Variants in SRGAP3 observed in about 807,000 individuals in gnomAD.
The protein encoded by SRGAP3 is SLIT-ROBO Rho GTPase activating protein 3, also known as SLIT-ROBO Rho GTPase-activating protein 3.
SRGAP3 carries 39 observed loss-of-function variants against 121.1 expected under a neutral mutation model. That is an observed-to-expected ratio of 0.32 (90% CI 0.25 to 0.42). SRGAP3 has a LOEUF of 0.42. SRGAP3 is among the 10% of genes least tolerant of loss of function. SRGAP3 has a pLI of 1.00. For synonymous variants in SRGAP3, 601 were observed against 570.0 expected (o/e 1.05, Z -0.77); for missense variants, 1,213 against 1,470.6 (o/e 0.82, Z 2.86).
At chr3:9,206,582 CT>C (rs920878511) in intron 1 of SRGAP3, among the ~76,000 whole-genome samples, 1 of 152,186 alleles carries the variant, frequency 6.6e-6, no homozygotes, top group Non-Finnish European at 1.5e-5. Flanking sequence ...CCACAGCAGC[CT>C]CCTGAATCTT....
chr3:9,030,304 G>A (rs1416931827), intron 12 of SRGAP3, among the ~76,000 whole-genome samples: 5 of 152,214 alleles, frequency 3.3e-5, no homozygotes, highest in African/African-American at 4.8e-5. Context: ...CACTGCTCAA[G>A]TGCTCTGGGC....
chr3:9,024,866 C>T (rs1430520072), intron 14 of SRGAP3, among the ~76,000 whole-genome samples: 2 of 152,114 alleles, frequency 1.3e-5, no homozygotes, highest in Non-Finnish European at 2.9e-5. Flanking sequence ...TACAAGGTGC[C>T]CTTTCCCAGC....
chr3:9,143,569 A>G (rs1307626299), intron 1 of SRGAP3, among the ~76,000 whole-genome samples: 3 of 152,230 alleles, frequency 2.0e-5, no homozygotes, highest in Non-Finnish European at 2.9e-5. Context: ...TAGAATATAT[A>G]AAAATATCAA....
chr3:9,164,403 C>T (rs1259049667), intron 1 of SRGAP3, among the ~76,000 whole-genome samples: 6 of 152,038 alleles, frequency 3.9e-5, no homozygotes, highest in African/African-American at 1.4e-4. Context: ...GATTCTTGTG[C>T]CTCAGCCTCC....
intron 21 of SRGAP3, among the ~76,000 whole-genome samples, chr3:8,986,711 T>A (rs1941725068): frequency 6.6e-6 from 1 of 151,042 alleles, no homozygotes; most frequent in East Asian, 1.9e-4. Flanking sequence ...GCTACTCTCT[T>A]CTCTGTATTA....
At chr3:9,224,977 G>A (rs750858011) in intron 1 of SRGAP3, among the ~76,000 whole-genome samples, 3 of 152,140 alleles carry the variant, frequency 2.0e-5, no homozygotes, top group Non-Finnish European at 2.9e-5. Flanking sequence ...AGGTCTACAG[G>A]CAGGCCTCAC....
At chr3:9,134,146 T>C (rs1192999212) in intron 1 of SRGAP3, among the ~76,000 whole-genome samples, 1 of 152,182 alleles carries the variant, frequency 6.6e-6, no homozygotes, top group Non-Finnish European at 1.5e-5. Context: ...CTCTGCCCCT[T>C]GCCTGCAGAT....
At chr3:9,179,606 T>TTCCTGC (rs1396958501) in intron 1 of SRGAP3, among the ~76,000 whole-genome samples, 6 of 152,222 alleles carry the variant, frequency 3.9e-5, no homozygotes, top group African/African-American at 1.2e-4. Context: ...TTAGTTCTCA[T>TTCCTGC]TCCTGCTCCT....
intron 10 of SRGAP3, among the ~76,000 whole-genome samples, chr3:9,044,381 G>A (rs1009478406): frequency 2.0e-5 from 3 of 152,212 alleles, no homozygotes; most frequent in African/African-American, 7.2e-5. Context: ...GGATATGCAG[G>A]ACAAAGGGAG....
intron 13 of SRGAP3, among the ~76,000 whole-genome samples, chr3:9,025,758 T>G (rs1327952989): frequency 6.6e-6 from 1 of 152,146 alleles, no homozygotes; most frequent in African/African-American, 2.4e-5. Context: ...GAGGAGACCC[T>G]TATACATGAC....
At chr3:9,038,029 C>G in intron 11 of SRGAP3, 34 bp downstream of exon 11, 1 of 1,614,130 alleles carries the variant, frequency 6.2e-7, no homozygotes. Flanking sequence ...CCTCGGGCAG[C>G]AGATGAAAGA....
chr3:9,301,219 T>C (rs934348064), intron 3 of SRGAP3, among the ~76,000 whole-genome samples: 1 of 152,172 alleles, frequency 6.6e-6, no homozygotes. Flanking sequence ...AAGATGTCAA[T>C]GCTGCACAGA....
rs1263119245 is a variant in SRGAP3 at position 9,271,856 on chromosome 3, A to G, written n.442+54154T>C. Reference sequence around the variant, plus strand: ...AAATAGGTACCCTGCACCTATCTCTATCTTTTATGGCATTTCTCACATTGT... The same window carrying G: ...AAATAGGTACCCTGCACCTATCTCTGTCTTTTATGGCATTTCTCACATTGT... On this transcript the variant is annotated intron_variant and non_coding_transcript_variant, in intron 3 of 3. Coordinates refer to the SRGAP3 transcript ENST00000490889. Among the ~76,000 whole-genome samples the G allele has an allele frequency of 3.3e-5, 5 of 152,322 alleles. No homozygotes were observed. In the East Asian group the frequency reaches 7.7e-4, roughly 24 times the overall value.
chr3:9,125,980 C>T (rs141725887), intron 1 of SRGAP3, among the ~76,000 whole-genome samples: 1 of 152,358 alleles, frequency 6.6e-6, no homozygotes, highest in African/African-American at 2.4e-5. Flanking sequence ...TATCAGATCT[C>T]ACCTGCCTAA....
At position 9,234,787 on chromosome 3, in the gene SRGAP3, A is replaced by G. The variant is rs114869845; in HGVS notation, c.67+14098T>C. 4.1e-3 allele frequency among the ~76,000 whole-genome samples: 624 copies of G among 152,346 alleles called. 3 individuals carry two copies. The highest frequency in any genetic ancestry group is 0.01 in the Middle Eastern group (3 of 294). On this transcript the variant is annotated intron_variant, in intron 1 of 21. Coordinates refer to ENST00000383836, the MANE Select transcript of SRGAP3 (RefSeq NM_014850.4). ...TATCACAATGGCCAGGAAATCCAGCAGAGAGCAACAAGGAGGAAAGGAAAG... is the reference window on the plus strand; with the variant it reads ...TATCACAATGGCCAGGAAATCCAGCGGAGAGCAACAAGGAGGAAAGGAAAG...
chr3:9,232,133 A>C (rs915454719), intron 1 of SRGAP3, among the ~76,000 whole-genome samples: 1 of 152,222 alleles, frequency 6.6e-6, no homozygotes, highest in African/African-American at 2.4e-5. Context: ...TCATTTCAGC[A>C]ATCATCCTTA....
At chr3:9,348,760 T>A in intron 1 of SRGAP3, 1 of 1,357,166 alleles carries the variant, frequency 7.4e-7, no homozygotes, top group Non-Finnish European at 1.0e-6. Flanking sequence ...CTGCAAAGCA[T>A]GGTGAGGCCC....
intron 3 of SRGAP3, among the ~76,000 whole-genome samples, chr3:9,255,622 G>A (rs6776897): frequency 0.048 from 7,232 of 152,194 alleles, 582 homozygotes; most frequent in African/African-American, 0.16. Flanking sequence ...TGTAGAGTGG[G>A]CTTGCCCTGG....
intron 1 of SRGAP3, among the ~76,000 whole-genome samples, chr3:9,211,735 A>ATGCC (rs145886896): frequency 0.17 from 25,510 of 147,304 alleles, 2,422 homozygotes; most frequent in East Asian, 0.49. Flanking sequence ...TGGCACAGTC[A>ATGCC]TGACTCACTG....
Sources: gnomAD v4.1 joint callset for allele counts (sites outside exome capture counted in the v4.1 genomes callset) on GRCh38, gnomAD v4.1.1 for gene constraint, MANE v1.5 for transcripts, NCBI Gene and HGNC (gene_info 2026-07-23, HGNC 2026-07-21) for gene names.